TMEM135: variants seen among roughly 807,000 people sequenced by gnomAD.
The protein encoded by TMEM135 is transmembrane protein 135, also known as peroxisomal membrane protein 52.
In TMEM135, 30 loss-of-function variants were observed where a neutral mutation model predicts 60.3. That is an observed-to-expected ratio of 0.50 (90% confidence interval 0.37 to 0.68). TMEM135 has a LOEUF of 0.68. TMEM135 is among the 30% of genes least tolerant of loss of function. The pLI is 0.00. For synonymous variants in TMEM135, 190 were observed against 186.7 expected, an observed-to-expected ratio of 1.02 and a Z score of -0.14; for missense variants, 468 against 548.8, an observed-to-expected ratio of 0.85 and a Z score of 1.47.
At chr11:87,039,872 C>A (rs554068281) in intron 1 of TMEM135, among the ~76,000 whole-genome samples, 1 of 152,264 alleles carries the variant, frequency 6.6e-6, no homozygotes, top group East Asian at 1.9e-4. Flanking sequence ...ATATCAATAG[C>A]CTAGACAATT....
At chr11:87,142,112 T>A (rs973284841) in intron 4 of TMEM135, among the ~76,000 whole-genome samples, 1 of 152,202 alleles carries the variant, frequency 6.6e-6, no homozygotes, top group African/African-American at 2.4e-5. Context: ...CATTATTTGC[T>A]GGTAGTGTAG....
At chr11:87,139,913 A>G (rs1938216178) in intron 4 of TMEM135, among the ~76,000 whole-genome samples, 1 of 152,038 alleles carries the variant, frequency 6.6e-6, no homozygotes, top group Non-Finnish European at 1.5e-5. Context: ...TTTTTGTTCA[A>G]GTATCTGTTG....
intron 4 of TMEM135, among the ~76,000 whole-genome samples, chr11:87,104,283 G>C (rs961951917): frequency 6.6e-6 from 1 of 151,972 alleles, no homozygotes; most frequent in Non-Finnish European, 1.5e-5. Flanking sequence ...ATTCTGTTCC[G>C]TTGGTCTGTC....
chr11:87,093,722 C>T (rs904048468), intron 4 of TMEM135, among the ~76,000 whole-genome samples: 1 of 151,282 alleles, frequency 6.6e-6, no homozygotes. Context: ...TTAGTAGAGA[C>T]GGGGTTTCAC....
intron 2 of TMEM135, among the ~76,000 whole-genome samples, chr11:87,069,210 C>T (rs1189529474): frequency 4.3e-5 from 6 of 140,578 alleles, no homozygotes; most frequent in Non-Finnish European, 4.5e-5. Context: ...TGCTTGAACC[C>T]GGGAGGCGGA....
intron 4 of TMEM135, among the ~76,000 whole-genome samples, 184 bp from the exon 5 acceptor site, chr11:87,157,157 G>C (rs1938722589): frequency 6.6e-6 from 1 of 150,808 alleles, no homozygotes; most frequent in Non-Finnish European, 1.5e-5. Context: ...TGAACTCCTG[G>C]ACTCAAGTGA....
Position 87,321,219 on chromosome 11 carries a change from A to G in TMEM135, c.1263A>G (p.Arg421=), listed in dbSNP as rs778361658. The G allele has an allele frequency of 2.5e-6, 4 of 1,613,286 alleles. No individual in the cohort carries two copies. The highest frequency in any genetic ancestry group is 1.6e-4 in the Middle Eastern group (1 of 6,078). ...TTTACAGATTTGCTGTCATGAACCGAAAAGTCCTTGATGTTTTTGGTACTG... is the reference window on the plus strand; with the variant it reads ...TTTACAGATTTGCTGTCATGAACCGGAAAGTCCTTGATGTTTTTGGTACTG... ...LTKGKFAVMN[R]KVLDVFGTGA... The change falls in exon 15 of 15, where the codon CGA becomes CGG. Residue 421 remains arginine (R), a synonymous_variant. Coordinates refer to ENST00000305494, the MANE Select transcript of TMEM135 (RefSeq NM_022918.4).
chr11:87,117,138 A>G lies in TMEM135; in HGVS notation c.396+25743A>G, dbSNP rs1260851611. 2.6e-5 allele frequency among the ~76,000 whole-genome samples: 4 copies of G among 152,238 alleles called. No individual in the cohort carries two copies. The East Asian group carries it at 7.7e-4, about 29-fold the overall frequency. ...GCCCAGCCAAAGCATTATGTTTAAA[A>G]CAAAGTACACACATTAATTAAAAAA... On this transcript the variant is annotated intron_variant, in intron 4 of 14. Transcript: ENST00000305494.
chr11:87,268,744 A>T (rs898444562), intron 6 of TMEM135, among the ~76,000 whole-genome samples: 10 of 151,538 alleles, frequency 6.6e-5, no homozygotes, highest in Non-Finnish European at 1.5e-4. Context: ...TTTGTTTTGT[A>T]TGTTTTGTTG....
chr11:87,099,475 C>T (rs938883659), intron 4 of TMEM135, among the ~76,000 whole-genome samples: 4 of 151,948 alleles, frequency 2.6e-5, no homozygotes, highest in Non-Finnish European at 5.9e-5. Flanking sequence ...TTAATTGATA[C>T]AGTCAGGATA....
chr11:87,190,370 GGGAGAGAGAA>G (rs1286733297), intron 5 of TMEM135, among the ~76,000 whole-genome samples: 3 of 152,178 alleles, frequency 2.0e-5, no homozygotes, highest in Middle Eastern at 3.2e-3. Flanking sequence ...GTGAGAGAGA[GGGAGAGAGAA>G]GGAGAGAGAA....
chr11:87,194,651 G>C (rs773503432), intron 5 of TMEM135, among the ~76,000 whole-genome samples: 7 of 152,062 alleles, frequency 4.6e-5, no homozygotes, highest in Non-Finnish European at 8.8e-5. Flanking sequence ...TTGCCTTCTT[G>C]TTCCTAATTT....
chr11:87,057,366 G>C (rs1411636688), intron 1 of TMEM135, among the ~76,000 whole-genome samples: 2 of 152,142 alleles, frequency 1.3e-5, no homozygotes, highest in Admixed American at 1.3e-4. Flanking sequence ...TTTGAAGATT[G>C]CTTGTATCTT....
chr11:87,314,877 A>G (rs985673617), intron 12 of TMEM135, among the ~76,000 whole-genome samples: 3 of 151,820 alleles, frequency 2.0e-5, no homozygotes, highest in Admixed American at 6.6e-5. Flanking sequence ...ATATAATTTC[A>G]TCCTTAAAAA....
chr11:87,122,050 A>G (rs1937606449), intron 4 of TMEM135, among the ~76,000 whole-genome samples: 1 of 152,238 alleles, frequency 6.6e-6, no homozygotes, highest in Admixed American at 6.5e-5. Flanking sequence ...GACTTGGCAC[A>G]TCAACAGCGA....
At chr11:87,131,282 T>C (rs577464683) in intron 4 of TMEM135, among the ~76,000 whole-genome samples, 1 of 152,238 alleles carries the variant, frequency 6.6e-6, no homozygotes, top group African/African-American at 2.4e-5. Flanking sequence ...TTTGGACAAA[T>C]ACATAATGTC....
At chr11:87,192,373 A>G (rs1404764247) in intron 5 of TMEM135, among the ~76,000 whole-genome samples, 3 of 152,094 alleles carry the variant, frequency 2.0e-5, no homozygotes, top group Admixed American at 6.5e-5. Context: ...AATTTTAAAG[A>G]CAAATTTATA....
intron 5 of TMEM135, among the ~76,000 whole-genome samples, chr11:87,181,497 A>T (rs1939514225): frequency 6.6e-6 from 1 of 152,190 alleles, no homozygotes; most frequent in African/African-American, 2.4e-5. Context: ...AATGCCAAAT[A>T]TCGTGTGATT....
At chr11:87,157,205 A>C (rs578373) in intron 4 of TMEM135, 136 bp from the exon 5 acceptor site, 1 of 783,272 alleles carries the variant, frequency 1.3e-6, no homozygotes, top group Non-Finnish European at 2.1e-6. Context: ...AGGCATATAC[A>C]ACTTATTGAT....
Sources: gnomAD v4.1 joint callset for allele counts (sites outside exome capture counted in the v4.1 genomes callset) on GRCh38, gnomAD v4.1.1 for gene constraint, MANE v1.5 for transcripts, NCBI Gene and HGNC (gene_info 2026-07-23, HGNC 2026-07-21) for gene names.